NEO1: variants seen among roughly 807,000 people sequenced by gnomAD.
NEO1 encodes neogenin.
A neutral mutation model predicts 159.7 loss-of-function variants in NEO1; 63 were observed. The observed-to-expected ratio is 0.39, with a 90% CI of 0.32 to 0.49. The LOEUF is 0.49. NEO1 is among the 20% of genes least tolerant of loss of function. The pLI, the probability that NEO1 is intolerant of heterozygous loss-of-function variation, is 0.85. For synonymous variants in NEO1, 633 were observed against 662.0 expected (o/e 0.96, Z 0.67); for missense variants, 1,615 against 1,831.0 (o/e 0.88, Z 2.15).
At chr15:73,167,291 A>G (rs1487020433) in intron 5 of NEO1, among the ~76,000 whole-genome samples, 1 of 147,056 alleles carries the variant, frequency 6.8e-6, no homozygotes, top group Non-Finnish European at 1.5e-5. Context: ...AAAAAAAAAG[A>G]TGTTGCCTTT....
At chr15:73,258,983 A>G in intron 14 of NEO1, 107 bp downstream of exon 14, 2 of 861,666 alleles carry the variant, frequency 2.3e-6, no homozygotes, top group Non-Finnish European at 3.8e-6. Context: ...CAAGTCTGTG[A>G]ACTTTAGTGC....
chr15:73,118,239 T>G (rs2071434302), intron 2 of NEO1, among the ~76,000 whole-genome samples: 1 of 152,064 alleles, frequency 6.6e-6, no homozygotes, highest in Admixed American at 6.6e-5. Flanking sequence ...TATAAGCATC[T>G]GCCTGCTACC....
intron 1 of NEO1, among the ~76,000 whole-genome samples, chr15:73,076,484 G>T (rs1326649502): frequency 6.6e-6 from 1 of 152,142 alleles, no homozygotes; most frequent in East Asian, 1.9e-4. Flanking sequence ...CTAGAAGAGT[G>T]CCAGGCCCAT....
chr15:73,184,811 C>T (rs2035825269), intron 7 of NEO1, among the ~76,000 whole-genome samples: 1 of 152,006 alleles, frequency 6.6e-6, no homozygotes, highest in Non-Finnish European at 1.5e-5. Context: ...GCCTGTAATC[C>T]CAGCTACTCA....
At chr15:73,153,438 C>G (rs936388388) in intron 5 of NEO1, among the ~76,000 whole-genome samples, 1 of 151,994 alleles carries the variant, frequency 6.6e-6, no homozygotes, top group African/African-American at 2.4e-5. Flanking sequence ...CATTTCTCCC[C>G]AAAACCCTGG....
In NEO1 at chr15:73,215,227, T is replaced by C. The variant is rs192112181; in HGVS notation, c.1292-21120T>C. Reference sequence around the variant, plus strand: ...AAACTATCATATCATCAGCAAACAGTGACAGTTTGACTTCCTCTTTACCGA... The same window carrying C: ...AAACTATCATATCATCAGCAAACAGCGACAGTTTGACTTCCTCTTTACCGA... On this transcript the variant is annotated intron_variant, in intron 7 of 28. Coordinates refer to ENST00000261908, the MANE Select transcript of NEO1 (RefSeq NM_002499.4). 3.7e-4 allele frequency among the ~76,000 whole-genome samples: 56 copies of C among 152,326 alleles called. 1 individual carries two copies. The highest frequency in any genetic ancestry group is 1.0e-3 in the African/African-American group (42 of 41,578).
intron 7 of NEO1, among the ~76,000 whole-genome samples, chr15:73,183,786 C>T (rs1213853456): frequency 6.6e-6 from 1 of 152,136 alleles, no homozygotes; most frequent in Non-Finnish European, 1.5e-5. Context: ...CTCTCTGGCT[C>T]CTAAGCACAG....
chr15:73,088,165 T>G (rs1021584532), intron 1 of NEO1, among the ~76,000 whole-genome samples: 2 of 151,974 alleles, frequency 1.3e-5, no homozygotes, highest in Admixed American at 1.3e-4. Flanking sequence ...ACTATGCATA[T>G]TCATATTTTT....
chr15:73,132,287 CT>C (rs1261942658), intron 4 of NEO1, among the ~76,000 whole-genome samples: 2 of 152,136 alleles, frequency 1.3e-5, no homozygotes, highest in African/African-American at 2.4e-5. Flanking sequence ...CGGCCATAAT[CT>C]TTTGCTCTTT....
chr15:73,274,608 T>C, intron 20 of NEO1, 84 bp from the exon 21 acceptor site: 1 of 1,393,134 alleles, frequency 7.2e-7, no homozygotes, highest in South Asian at 1.2e-5. Flanking sequence ...TTAGTTTTTT[T>C]CCTTTAAAAA....
intron 7 of NEO1, among the ~76,000 whole-genome samples, chr15:73,201,347 T>C (rs2036873517): frequency 6.6e-6 from 1 of 152,016 alleles, no homozygotes; most frequent in Non-Finnish European, 1.5e-5. Context: ...TATTTAGATA[T>C]ATTTATTTCC....
At chr15:73,165,970 C>G in intron 5 of NEO1, among the ~76,000 whole-genome samples, 1 of 152,152 alleles carries the variant, frequency 6.6e-6, no homozygotes. Flanking sequence ...GGGCAAGTCA[C>G]CTGTGTAGCC....
At chr15:73,248,939 C>T in intron 9 of NEO1, 121 bp from the exon 10 acceptor site, 2 of 923,220 alleles carry the variant, frequency 2.2e-6, no homozygotes, top group Non-Finnish European at 3.2e-6. Context: ...CAATCAAATC[C>T]ATTGTTTTCT....
In NEO1 at chr15:73,301,462, G is replaced by C. The variant is rs766386325; in HGVS notation, c.4302+5G>C. ...ATGTTGGAAGACTCCGAGAGTGTAA[G>C]TTCGTGGGGCCATCAGTCCAGCCAG... On this transcript the variant is annotated splice_donor_5th_base_variant and intron_variant, in intron 28 of 28. Coordinates refer to ENST00000261908, the MANE Select transcript of NEO1 (RefSeq NM_002499.4). 6.2e-7 allele frequency: 1 copy of C among 1,614,208 alleles called. No homozygotes were observed. The highest frequency in any genetic ancestry group is 2.2e-5 in the East Asian group (1 of 44,892).
chr15:73,233,141 C>G (rs1276683724), intron 7 of NEO1, among the ~76,000 whole-genome samples: 1 of 152,108 alleles, frequency 6.6e-6, no homozygotes. Context: ...CTGTTTGATA[C>G]TCTGTGATAA....
intron 20 of NEO1, among the ~76,000 whole-genome samples, chr15:73,274,330 G>A (rs995575483): frequency 3.3e-5 from 5 of 152,200 alleles, no homozygotes; most frequent in African/African-American, 1.2e-4. Context: ...AGAAAGAGTA[G>A]TGTGTTCTTG....
intron 7 of NEO1, among the ~76,000 whole-genome samples, chr15:73,223,699 G>A (rs1417472154): frequency 2.0e-5 from 3 of 152,194 alleles, no homozygotes; most frequent in African/African-American, 7.2e-5. Context: ...CCTGAAGGCA[G>A]CAGATTGTTG....
intron 7 of NEO1, among the ~76,000 whole-genome samples, chr15:73,217,976 G>A (rs1423000418): frequency 6.6e-6 from 1 of 151,858 alleles, no homozygotes; most frequent in African/African-American, 2.4e-5. Context: ...GAATAGGAGT[G>A]GTGAGAGAGG....
chr15:73,069,961 A>G (rs1233229524), intron 1 of NEO1, among the ~76,000 whole-genome samples: 2 of 152,176 alleles, frequency 1.3e-5, no homozygotes, highest in African/African-American at 2.4e-5. Flanking sequence ...TGAGTATAGT[A>G]TAAGGAATTG....
Sources: gnomAD v4.1 joint callset for allele counts (sites outside exome capture counted in the v4.1 genomes callset) on GRCh38, gnomAD v4.1.1 for gene constraint, MANE v1.5 for transcripts, NCBI Gene and HGNC (gene_info 2026-07-23, HGNC 2026-07-21) for gene names.